Variants in PDE4D observed in about 807,000 individuals in gnomAD.
PDE4D encodes phosphodiesterase 4D.
Under a neutral mutation model 87.4 loss-of-function variants are expected in PDE4D, and 24 were observed. The observed-to-expected ratio is 0.27, with a 90% CI of 0.20 to 0.39. The LOEUF (loss-of-function observed/expected upper bound fraction) is 0.39, where lower values mean the gene tolerates loss of function less well. Among genes scored for constraint, PDE4D ranks in the 10% least tolerant of loss-of-function variants. The pLI, the probability that PDE4D is intolerant of heterozygous loss-of-function variation, is 1.00. For missense variants in PDE4D, 714 were observed against 1,041.0 expected (o/e 0.69, Z 4.32); for synonymous variants, 384 against 383.2 (o/e 1.00, Z -0.02).
chr5:60,095,217 C>T (rs889737102), intron 2 of PDE4D, among the ~76,000 whole-genome samples: 1 of 152,126 alleles, frequency 6.6e-6, no homozygotes, highest in African/African-American at 2.4e-5. Flanking sequence ...CACCCTCTAA[C>T]AGGCCCCAGT....
intron 1 of PDE4D, among the ~76,000 whole-genome samples, chr5:60,272,797 G>A (rs1312768317): frequency 6.6e-6 from 1 of 152,042 alleles, no homozygotes; most frequent in Non-Finnish European, 1.5e-5. Context: ...ATAATACCTC[G>A]GCAGAAGGGA....
chr5:59,279,720 T>C (rs1336541243), intron 1 of PDE4D, among the ~76,000 whole-genome samples: 1 of 152,014 alleles, frequency 6.6e-6, no homozygotes, highest in Admixed American at 6.6e-5. Context: ...AAGTCAACAA[T>C]TTGTTCAAAA....
chr5:59,723,716 A>C (rs762466582), intron 1 of PDE4D, among the ~76,000 whole-genome samples: 8 of 152,158 alleles, frequency 5.3e-5, no homozygotes, highest in Non-Finnish European at 1.2e-4. Context: ...AAAAATATTT[A>C]AACACTTTCT....
At chr5:59,600,482 C>T (rs183396932) in intron 1 of PDE4D, among the ~76,000 whole-genome samples, 1 of 152,250 alleles carries the variant, frequency 6.6e-6, no homozygotes, top group East Asian at 1.9e-4. Context: ...CCTGGAATAG[C>T]CTACCTTGAA....
chr5:59,497,892 C>G (rs10805515), intron 1 of PDE4D, among the ~76,000 whole-genome samples: 3 of 151,578 alleles, frequency 2.0e-5, no homozygotes, highest in Non-Finnish European at 2.9e-5. Flanking sequence ...CCAAGGTCAA[C>G]GTGAAAGAAA....
At chr5:59,517,713 A>G (rs1811427923) in intron 1 of PDE4D, among the ~76,000 whole-genome samples, 1 of 152,206 alleles carries the variant, frequency 6.6e-6, no homozygotes, top group African/African-American at 2.4e-5. Flanking sequence ...GAGTTAAAAT[A>G]CCTGAGCTAT....
At chr5:59,494,401 G>T (rs1396910639) in intron 1 of PDE4D, among the ~76,000 whole-genome samples, 1 of 152,182 alleles carries the variant, frequency 6.6e-6, no homozygotes, top group Non-Finnish European at 1.5e-5. Flanking sequence ...ATCTGTTAGG[G>T]AAAGTCAGTG....
chr5:59,543,019 G>A (rs1308910584), intron 1 of PDE4D, among the ~76,000 whole-genome samples: 1 of 152,100 alleles, frequency 6.6e-6, no homozygotes, highest in African/African-American at 2.4e-5. Context: ...TTATTCTACT[G>A]GTAGAATAGA....
intron 1 of PDE4D, among the ~76,000 whole-genome samples, chr5:60,344,646 C>T (rs1310065114): frequency 3.3e-5 from 5 of 152,038 alleles, no homozygotes; most frequent in Non-Finnish European, 7.4e-5. Flanking sequence ...AGTCTTATTA[C>T]GAAAGCAATA....
chr5:59,528,160 A>G (rs999095135), intron 1 of PDE4D, among the ~76,000 whole-genome samples: 8 of 152,232 alleles, frequency 5.3e-5, no homozygotes, highest in African/African-American at 1.9e-4. Context: ...TAGTGCATAC[A>G]TGTGTGCCAG....
intron 1 of PDE4D, among the ~76,000 whole-genome samples, chr5:59,486,689 T>A (rs1396251267): frequency 1.3e-5 from 2 of 152,292 alleles, no homozygotes; most frequent in South Asian, 4.1e-4. Flanking sequence ...AGCTGAGGTT[T>A]AAAGATGTAC....
chr5:60,091,770 G>A (rs1775135489), intron 2 of PDE4D, among the ~76,000 whole-genome samples: 6 of 152,108 alleles, frequency 3.9e-5, no homozygotes, highest in Admixed American at 2.6e-4. Context: ...AAGAAAATGT[G>A]GGCCGGGCGC....
intron 1 of PDE4D, among the ~76,000 whole-genome samples, chr5:59,536,400 G>A (rs1052525516): frequency 6.7e-6 from 1 of 150,372 alleles, no homozygotes; most frequent in Admixed American, 6.6e-5. Context: ...AGCTACTCGG[G>A]AGGCTGAGGC....
At chr5:59,876,387 G>T (rs922074198) in intron 1 of PDE4D, among the ~76,000 whole-genome samples, 1 of 152,084 alleles carries the variant, frequency 6.6e-6, no homozygotes, top group Admixed American at 6.5e-5. Flanking sequence ...AAACTCTTCA[G>T]CTTTCCTCCC....
chr5:59,838,045 C>A (rs1214752824), intron 1 of PDE4D, among the ~76,000 whole-genome samples: 1 of 151,884 alleles, frequency 6.6e-6, no homozygotes, highest in Non-Finnish European at 1.5e-5. Context: ...AGTTAGAATG[C>A]TAGAATAATG....
chr5:59,899,253 C>T (rs1400085999), intron 3 of PDE4D, among the ~76,000 whole-genome samples: 1 of 152,052 alleles, frequency 6.6e-6, no homozygotes, highest in Admixed American at 6.6e-5. Flanking sequence ...GCCCGTTGGA[C>T]TCTTAACTCT....
rs548205573 is a variant in PDE4D, at chr5:59,146,482, A to T, written c.808+34113T>A. 2.0e-5 allele frequency among the ~76,000 whole-genome samples: 3 copies of T among 152,344 alleles called. No homozygotes were observed. In the South Asian group the frequency reaches 6.2e-4, roughly 32 times the overall value. On this transcript the variant is annotated intron_variant, in intron 5 of 14. Coordinates refer to ENST00000340635, the MANE Select transcript of PDE4D (RefSeq NM_001104631.2). ...GGTACTACAGGCAAGGTATGATGGAAGTGCCACATTCTCAAAGCCACTGAA... is the reference window on the plus strand; with the variant it reads ...GGTACTACAGGCAAGGTATGATGGATGTGCCACATTCTCAAAGCCACTGAA...
intron 1 of PDE4D, among the ~76,000 whole-genome samples, chr5:59,825,088 T>C (rs1320539352): frequency 6.6e-6 from 1 of 152,180 alleles, no homozygotes; most frequent in East Asian, 1.9e-4. Flanking sequence ...TACTGGTCTC[T>C]GCGTGTCAAT....
At chr5:59,093,404 G>A (rs1180670248) in intron 5 of PDE4D, among the ~76,000 whole-genome samples, 3 of 152,194 alleles carry the variant, frequency 2.0e-5, no homozygotes, top group Admixed American at 6.5e-5. Flanking sequence ...AGAGGCTGCA[G>A]GTTGCGAAAT....
Sources: allele counts gnomAD v4.1 joint callset (sites outside exome capture counted in the v4.1 genomes callset), GRCh38; gene constraint gnomAD v4.1.1; transcripts MANE v1.5; gene names NCBI Gene and HGNC (gene_info 2026-07-23, HGNC 2026-07-21).